TMEM266: variants seen among roughly 807,000 people sequenced by gnomAD.
TMEM266 encodes the protein transmembrane protein 266.
In TMEM266, 33 loss-of-function variants were observed where a neutral mutation model predicts 50.5. The observed-to-expected ratio is 0.65, with a 90% CI of 0.50 to 0.87. TMEM266 has a LOEUF of 0.87. Among genes scored for constraint, TMEM266 ranks in the 40% least tolerant of loss-of-function variants. The pLI is 0.00. For synonymous variants in TMEM266, 310 were observed against 292.3 expected (o/e 1.06, Z -0.62); for missense variants, 655 against 695.1 (o/e 0.94, Z 0.65).
At chr15:76,106,776 C>T (rs2037086643) in intron 1 of TMEM266, among the ~76,000 whole-genome samples, 1 of 152,216 alleles carries the variant, frequency 6.6e-6, no homozygotes, top group South Asian at 2.1e-4. Flanking sequence ...CATGTATACA[C>T]TGTGGAATGC....
chr15:76,063,961 A>C (rs1161032899), intron 1 of TMEM266, among the ~76,000 whole-genome samples: 1 of 152,186 alleles, frequency 6.6e-6, no homozygotes, highest in Non-Finnish European at 1.5e-5. Flanking sequence ...GAACCTGTAA[A>C]GATGGGGAAA....
intron 3 of TMEM266, among the ~76,000 whole-genome samples, chr15:76,140,284 G>C (rs529774731): frequency 2.6e-5 from 4 of 152,334 alleles, no homozygotes; most frequent in African/African-American, 9.6e-5. Flanking sequence ...ACCGGAGCCA[G>C]GGGAAACTGA....
At chr15:76,158,762 C>T (rs2037965902) in intron 4 of TMEM266, among the ~76,000 whole-genome samples, 1 of 152,216 alleles carries the variant, frequency 6.6e-6, no homozygotes, top group Non-Finnish European at 1.5e-5. Context: ...CGGGCCTCAG[C>T]CTCTTCGTTC....
At chr15:76,184,182 C>T (rs1343962736) in intron 8 of TMEM266, among the ~76,000 whole-genome samples, 1 of 152,214 alleles carries the variant, frequency 6.6e-6, no homozygotes, top group Non-Finnish European at 1.5e-5. Flanking sequence ...ACAGAGGCCA[C>T]AAGTTCCCAG....
intron 1 of TMEM266, among the ~76,000 whole-genome samples, chr15:76,123,897 G>T (rs1359647366): frequency 6.6e-6 from 1 of 152,164 alleles, no homozygotes; most frequent in Non-Finnish European, 1.5e-5. Context: ...ATTTTTAGTA[G>T]AGACGGGGTT....
At chr15:76,146,771 C>T (rs891450964) in intron 3 of TMEM266, among the ~76,000 whole-genome samples, 3 of 152,212 alleles carry the variant, frequency 2.0e-5, no homozygotes, top group African/African-American at 7.2e-5. Context: ...GGCTTGAGGG[C>T]CACAGCCTCC....
Position 76,203,999 on chromosome 15 carries a change from C to G in TMEM266, c.1280C>G (p.Pro427Arg), listed in dbSNP as rs937733. The G allele has an allele frequency of 1.0e-5, 16 of 1,607,636 alleles. No individual in the cohort carries two copies. The highest frequency in any genetic ancestry group is 4.0e-5 in the African/African-American group (3 of 74,728). The change falls in exon 11 of 11, where the codon CCG becomes CGG. Residue 427 changes from proline to arginine, a missense_variant. Pro to Arg is a moderately radical substitution (Grantham distance 103, BLOSUM62 -2). This residue lies in a region of TMEM266 where 455 missense variants were observed against 401.8 expected (regional missense o/e 1.13). Coordinates refer to ENST00000388942, the MANE Select transcript of TMEM266 (RefSeq NM_152335.3). ...TCCTCTGAGCCCGGCCCTTCTCCCCCGCCGCTGCCATCCCAGCAGCAGGTG... is the reference window on the plus strand; with the variant it reads ...TCCTCTGAGCCCGGCCCTTCTCCCCGGCCGCTGCCATCCCAGCAGCAGGTG...
chr15:76,076,382 C>T (rs911350173), intron 1 of TMEM266, among the ~76,000 whole-genome samples: 1 of 152,090 alleles, frequency 6.6e-6, no homozygotes, highest in Non-Finnish European at 1.5e-5. Context: ...CTCTTGGACC[C>T]TCAAGCAATG....
intron 1 of TMEM266, among the ~76,000 whole-genome samples, chr15:76,096,314 C>G (rs1463377704): frequency 6.6e-6 from 1 of 152,076 alleles, no homozygotes; most frequent in East Asian, 1.9e-4. Context: ...GTTGTGTTTT[C>G]GTTCTCATTG....
intron 3 of TMEM266, among the ~76,000 whole-genome samples, chr15:76,150,742 G>T (rs967554727): frequency 2.6e-5 from 4 of 152,242 alleles, no homozygotes; most frequent in African/African-American, 9.6e-5. Flanking sequence ...GATTGGGGCT[G>T]TTTCAGTGCC....
At chr15:76,093,742 G>T (rs1036323483) in intron 1 of TMEM266, among the ~76,000 whole-genome samples, 3 of 151,270 alleles carry the variant, frequency 2.0e-5, no homozygotes, top group Admixed American at 6.6e-5. Flanking sequence ...AGTGTAAAAA[G>T]CATTCCTGTT....
At chr15:76,089,600 C>T (rs1238338258) in intron 1 of TMEM266, among the ~76,000 whole-genome samples, 1 of 152,028 alleles carries the variant, frequency 6.6e-6, no homozygotes, top group Non-Finnish European at 1.5e-5. Context: ...GTGTATGATA[C>T]TAATAAGTTT....
At chr15:76,111,144 G>A (rs972754906) in intron 1 of TMEM266, among the ~76,000 whole-genome samples, 24 of 151,436 alleles carry the variant, frequency 1.6e-4, no homozygotes, top group South Asian at 6.3e-4. Context: ...GCAATGGCAC[G>A]GTCTCGGCTC....
chr15:76,192,046 GC>G lies in TMEM266; in HGVS notation c.851del (p.Pro284ArgfsTer40). 6.5e-7 allele frequency: 1 copy of G among 1,544,970 alleles called. No individual in the cohort carries two copies. The highest frequency in any genetic ancestry group is 8.7e-7 in the Non-Finnish European group (1 of 1,152,662). ...TGCCGAGCGCGAAGCGGCGCTCCAG[GC>G]CCCGCACGTGCTCAGCCAGCCGCGC... On this transcript the variant is annotated frameshift_variant, in exon 9 of 11. Coordinates refer to ENST00000388942, the MANE Select transcript of TMEM266 (RefSeq NM_152335.3). LOFTEE classifies it high-confidence loss of function.
rs1390288659 is a variant in TMEM266 at position 76,139,767 on chromosome 15, G to T, written c.227+1872G>T. Reference sequence around the variant, plus strand: ...CCTGAGCCTGTTAGGCCCTTTTCACGTGAAGAGTAGCATGGTATGGAGAAA... The same window carrying T: ...CCTGAGCCTGTTAGGCCCTTTTCACTTGAAGAGTAGCATGGTATGGAGAAA... On this transcript the variant is annotated intron_variant, in intron 3 of 10. Coordinates refer to ENST00000388942, the MANE Select transcript of TMEM266 (RefSeq NM_152335.3). This position sits in a 1 kb window ranked among gnomAD's most constrained non-coding sequence, Gnocchi z 4.1. 6.6e-6 allele frequency among the ~76,000 whole-genome samples: 1 copy of T among 152,196 alleles called. No individual in the cohort carries two copies. Among genetic ancestry groups the T allele is most frequent in the Non-Finnish European group, 1.5e-5 (1 of 68,032 alleles).
In TMEM266 at chr15:76,108,938, C is replaced by G. The variant is rs535572000; in HGVS notation, c.-96-25230C>G. ...ATCTGTAGAAATTTTTGGCACTCAT[C>G]ATAAACTACTTTAATATCCTCTCCT... On this transcript the variant is annotated intron_variant, in intron 1 of 10. Coordinates refer to ENST00000388942, the MANE Select transcript of TMEM266 (RefSeq NM_152335.3). 111 of 152,300 alleles carry G rather than the reference C, an allele frequency of 7.3e-4. 1 individual carries two copies. The highest frequency in any genetic ancestry group is 2.6e-3 in the African/African-American group (109 of 41,568). The allele number at this position is 152,300 out of a possible 1,614,324, so 9.4% of individuals were successfully genotyped here.
chr15:76,168,479 T>C lies in TMEM266; in HGVS notation c.457-1337T>C, dbSNP rs1253493030. Among the ~76,000 whole-genome samples, 1 of 152,170 alleles carries C rather than the reference T, an allele frequency of 6.6e-6. No individual in the cohort carries two copies. Among genetic ancestry groups the C allele is most frequent in the Non-Finnish European group, 1.5e-5 (1 of 68,036 alleles). ...CATGCGGGAGAGGGGCACCATCTGG[T>C]GTGAATCACCGTGAATTAAAGTCAT... is the stretch of plus-strand genomic sequence containing the variant. On this transcript the variant is annotated intron_variant, in intron 5 of 10. Transcript: ENST00000388942. The surrounding 1 kb of genome is among the most constrained non-coding windows in gnomAD (Gnocchi z 4.4).
intron 1 of TMEM266, among the ~76,000 whole-genome samples, chr15:76,067,665 GAAAA>G (rs1567138618): frequency 2.2e-5 from 3 of 139,138 alleles, no homozygotes; most frequent in Non-Finnish European, 4.7e-5. Flanking sequence ...GAAAAGAAAA[GAAAA>G]GAAAAAGTCA....
chr15:76,103,228 G>A (rs1240761036), intron 1 of TMEM266, among the ~76,000 whole-genome samples: 1 of 152,062 alleles, frequency 6.6e-6, no homozygotes, highest in African/African-American at 2.4e-5. Context: ...AGTCAGCCAG[G>A]CAGGTAGTTC....
Sources: allele counts gnomAD v4.1 joint callset (sites outside exome capture counted in the v4.1 genomes callset), GRCh38; gene constraint gnomAD v4.1.1; regional missense constraint gnomAD v4.1.1; non-coding constraint Gnocchi (gnomAD v3.1); transcripts MANE v1.5; gene names NCBI Gene and HGNC (gene_info 2026-07-23, HGNC 2026-07-21).